KCNH1: variants seen among roughly 807,000 people sequenced by gnomAD.
KCNH1 encodes potassium voltage-gated channel subfamily H member 1.
KCNH1 carries 27 observed loss-of-function variants against 69.2 expected under a neutral mutation model. The observed-to-expected ratio is 0.39, with a 90% CI of 0.29 to 0.54. The LOEUF (loss-of-function observed/expected upper bound fraction) is 0.54, where lower values mean the gene tolerates loss of function less well. Ranked by LOEUF, KCNH1 falls within the 20% of genes least tolerant of loss-of-function variation. The pLI, the probability that KCNH1 is intolerant of heterozygous loss-of-function variation, is 0.68. For missense variants in KCNH1, 798 were observed against 1,261.6 expected (o/e 0.63, Z 5.57); for synonymous variants, 456 against 487.7 (o/e 0.93, Z 0.86).
intron 10 of KCNH1, among the ~76,000 whole-genome samples, chr1:210,694,689 G>C (rs917279672): frequency 1.3e-5 from 2 of 152,226 alleles, no homozygotes; most frequent in African/African-American, 4.8e-5. Context: ...TCACAGCTTT[G>C]TACGTCCATT....
intron 10 of KCNH1, among the ~76,000 whole-genome samples, chr1:210,756,580 T>C (rs911995663): frequency 2.7e-4 from 41 of 152,302 alleles, no homozygotes; most frequent in African/African-American, 9.4e-4. Context: ...CCTTTGCTAC[T>C]ATAGGCAGCT....
chr1:210,912,209 A>C (rs1687245885), intron 7 of KCNH1, among the ~76,000 whole-genome samples: 1 of 152,196 alleles, frequency 6.6e-6, no homozygotes, highest in African/African-American at 2.4e-5. Context: ...CACTCAGGGC[A>C]TGACTATTTG....
chr1:211,112,770 G>A (rs953565638), intron 1 of KCNH1, among the ~76,000 whole-genome samples: 4 of 152,104 alleles, frequency 2.6e-5, no homozygotes, highest in Admixed American at 6.5e-5. Context: ...AGAGAGAATG[G>A]AAGAAAGATT....
intron 8 of KCNH1, among the ~76,000 whole-genome samples, chr1:210,802,440 T>C (rs1684448649): frequency 6.6e-6 from 1 of 152,160 alleles, no homozygotes; most frequent in African/African-American, 2.4e-5. Context: ...CAGTATGCCT[T>C]GAGTACTTAT....
At chr1:211,017,755 C>T (rs1270866319) in intron 6 of KCNH1, among the ~76,000 whole-genome samples, 1 of 151,350 alleles carries the variant, frequency 6.6e-6, no homozygotes, top group Non-Finnish European at 1.5e-5. Context: ...TTCCTAATTC[C>T]AACACATCTA....
chr1:211,032,021 C>T (rs1158900224), intron 5 of KCNH1, among the ~76,000 whole-genome samples: 2 of 152,206 alleles, frequency 1.3e-5, no homozygotes, highest in Non-Finnish European at 2.9e-5. Flanking sequence ...CTCATCATCT[C>T]AGCCCAAAAT....
chr1:210,784,443 T>G (rs1330892216), intron 9 of KCNH1, among the ~76,000 whole-genome samples: 1 of 152,174 alleles, frequency 6.6e-6, no homozygotes, highest in African/African-American at 2.4e-5. Context: ...ATGTAAGTAG[T>G]GAAAATACAC....
chr1:210,956,887 G>T (rs933170230), intron 6 of KCNH1, among the ~76,000 whole-genome samples: 54 of 151,654 alleles, frequency 3.6e-4, no homozygotes, highest in African/African-American at 1.3e-3. Context: ...TGATTTTTTT[G>T]AAGGATTTTT....
intron 7 of KCNH1, among the ~76,000 whole-genome samples, chr1:210,856,710 G>A (rs867211131): frequency 1.4e-5 from 2 of 148,104 alleles, no homozygotes; most frequent in Non-Finnish European, 3.0e-5. Context: ...AACTAATCTT[G>A]GTAATGGTTC....
At chr1:210,923,538 A>G (rs1687506564) in intron 6 of KCNH1, among the ~76,000 whole-genome samples, 1 of 152,198 alleles carries the variant, frequency 6.6e-6, no homozygotes, top group African/African-American at 2.4e-5. Flanking sequence ...CAAGCATCCC[A>G]CATGGTGGAG....
In KCNH1 at chr1:210,917,485, A is replaced by C. The variant is rs948324610; in HGVS notation, c.1462+2155T>G. Reference sequence around the variant, plus strand: ...GACGACTCATTTTGGGGAAAACAAAAAAACAAACAAACAAAAAAACCCCCA... The same window carrying C: ...GACGACTCATTTTGGGGAAAACAAACAAACAAACAAACAAAAAAACCCCCA... On this transcript the variant is annotated intron_variant, in intron 7 of 10. Coordinates refer to ENST00000271751, the MANE Select transcript of KCNH1 (RefSeq NM_172362.3). Among the ~76,000 whole-genome samples the C allele has an allele frequency of 7.2e-5, 11 of 152,204 alleles. No homozygotes were observed. The South Asian group carries it at 8.3e-4, about 11-fold the overall frequency.
intron 7 of KCNH1, among the ~76,000 whole-genome samples, chr1:210,832,345 T>C (rs750894857): frequency 6.6e-6 from 1 of 152,176 alleles, no homozygotes; most frequent in Admixed American, 6.6e-5. Context: ...AAGGAATATT[T>C]GCAGCTTATG....
intron 5 of KCNH1, among the ~76,000 whole-genome samples, chr1:211,029,539 G>A: frequency 6.6e-6 from 1 of 151,416 alleles, no homozygotes; most frequent in East Asian, 1.9e-4. Context: ...AATAGAAATA[G>A]AGGAGAACTT....
At chr1:210,878,895 C>A (rs1443762251) in intron 7 of KCNH1, among the ~76,000 whole-genome samples, 1 of 151,846 alleles carries the variant, frequency 6.6e-6, no homozygotes, top group Non-Finnish European at 1.5e-5. Context: ...CAGGCTAATT[C>A]TAAAAAGGAG....
chr1:211,130,403 A>C (rs1039591881), intron 1 of KCNH1, among the ~76,000 whole-genome samples: 1 of 152,208 alleles, frequency 6.6e-6, no homozygotes, highest in African/African-American at 2.4e-5. Flanking sequence ...ATACAGTGAC[A>C]GGCCTAAACA....
At chr1:210,793,127 G>T (rs1453327982) in intron 9 of KCNH1, among the ~76,000 whole-genome samples, 1 of 152,210 alleles carries the variant, frequency 6.6e-6, no homozygotes, top group Non-Finnish European at 1.5e-5. Flanking sequence ...AAGCCATTAA[G>T]TGATTTCTAA....
chr1:211,108,535 G>C (rs1479549875), intron 1 of KCNH1: 1 of 152,158 alleles, frequency 6.6e-6, no homozygotes, highest in East Asian at 1.9e-4. Flanking sequence ...ACCCTTCTTA[G>C]ATGAGTTTAT....
At chr1:211,080,277 C>T (rs1008350157) in intron 5 of KCNH1, among the ~76,000 whole-genome samples, 1 of 152,094 alleles carries the variant, frequency 6.6e-6, no homozygotes, top group South Asian at 2.1e-4. Flanking sequence ...TGAAGGACCC[C>T]TTCAAGGAGA....
intron 10 of KCNH1, among the ~76,000 whole-genome samples, chr1:210,728,130 T>C (rs1475570820): frequency 2.6e-5 from 4 of 152,238 alleles, no homozygotes; most frequent in Non-Finnish European, 5.9e-5. Flanking sequence ...AAATAGGCTC[T>C]TCCTGAAGGA....
Sources: allele counts gnomAD v4.1 joint callset (sites outside exome capture counted in the v4.1 genomes callset), GRCh38; gene constraint gnomAD v4.1.1; transcripts MANE v1.5; gene names NCBI Gene and HGNC (gene_info 2026-07-23, HGNC 2026-07-21).